Variants in RASAL2 observed in about 807,000 individuals in gnomAD.
RASAL2 encodes ras GTPase-activating protein nGAP.
Under a neutral mutation model 128.9 loss-of-function variants are expected in RASAL2, and 58 were observed. The observed-to-expected ratio is 0.45, with a 90% CI of 0.36 to 0.56. The LOEUF (loss-of-function observed/expected upper bound fraction) is 0.56, where lower values mean the gene tolerates loss of function less well. Among genes scored for constraint, RASAL2 ranks in the 20% least tolerant of loss-of-function variants. The pLI is 0.00. For synonymous variants in RASAL2, 561 were observed against 580.8 expected (o/e 0.97, Z 0.49); for missense variants, 1,360 against 1,601.6 (o/e 0.85, Z 2.57).
chr1:178,246,268 G>A (rs376253247), intron 1 of RASAL2, among the ~76,000 whole-genome samples: 6 of 152,032 alleles, frequency 3.9e-5, no homozygotes, highest in East Asian at 3.9e-4. Flanking sequence ...AGTTCTCCTC[G>A]AAGAGGTCCT....
intron 1 of RASAL2, among the ~76,000 whole-genome samples, chr1:178,164,005 A>AT (rs1263534555): frequency 6.6e-6 from 1 of 152,032 alleles, no homozygotes; most frequent in Non-Finnish European, 1.5e-5. Context: ...TATTTTATTC[A>AT]TTTTCCTGTT....
intron 1 of RASAL2, among the ~76,000 whole-genome samples, chr1:178,185,823 G>A (rs1662272443): frequency 6.6e-6 from 1 of 152,040 alleles, no homozygotes; most frequent in Non-Finnish European, 1.5e-5. Context: ...TCATGTTTAT[G>A]AGAGATATTG....
At chr1:178,261,615 A>G (rs1301388006) in intron 1 of RASAL2, among the ~76,000 whole-genome samples, 1 of 152,162 alleles carries the variant, frequency 6.6e-6, no homozygotes, top group African/African-American at 2.4e-5. Context: ...GAGGAACATA[A>G]CTGTAAGGAT....
In RASAL2 at chr1:178,180,618, G is replaced by A. The variant is rs561727679; in HGVS notation, c.202+85924G>A. 1.2e-3 allele frequency among the ~76,000 whole-genome samples: 178 copies of A among 149,628 alleles called. 1 individual carries two copies. The highest frequency in any genetic ancestry group is 3.8e-3 in the African/African-American group (154 of 40,694). ...GAAGGTGGAGGTTTCAGTGAGCTGCGATCACAGCACTGCATTCAAGCCTGG... is the reference window on the plus strand; with the variant it reads ...GAAGGTGGAGGTTTCAGTGAGCTGCAATCACAGCACTGCATTCAAGCCTGG... On this transcript the variant is annotated intron_variant, in intron 1 of 17. Transcript: ENST00000367649.
chr1:178,303,143 T>A (rs1306444244), intron 3 of RASAL2, among the ~76,000 whole-genome samples: 2 of 152,114 alleles, frequency 1.3e-5, no homozygotes, highest in African/African-American at 4.8e-5. Flanking sequence ...CTCACGGCAG[T>A]GAGAGAAAAG....
rs74638621 is a variant in RASAL2 at position 178,255,435 on chromosome 1, G to T, written c.203-28129G>T. The stretch of plus-strand genomic sequence containing the variant: ...ATATCATAGTATATTTGCTAATTAC[G>T]CACGAAAGACATGGGTGGGAATAAA... On this transcript the variant is annotated intron_variant, in intron 1 of 17. Coordinates refer to ENST00000367649, the MANE Select transcript of RASAL2 (RefSeq NM_170692.4). Among the ~76,000 whole-genome samples, 167 of 152,086 alleles carry T rather than the reference G, an allele frequency of 1.1e-3. 1 individual carries two copies. Among genetic ancestry groups the T allele is most frequent in the African/African-American group, 3.7e-3 (155 of 41,510 alleles).
chr1:178,099,311 A>T (rs1489149183), intron 1 of RASAL2, among the ~76,000 whole-genome samples: 1 of 152,226 alleles, frequency 6.6e-6, no homozygotes, highest in Non-Finnish European at 1.5e-5. Flanking sequence ...TTGATGTATT[A>T]GTTTCCAATG....
intron 17 of RASAL2, among the ~76,000 whole-genome samples, chr1:178,468,349 G>A (rs1647948659): frequency 6.6e-6 from 1 of 152,204 alleles, no homozygotes; most frequent in African/African-American, 2.4e-5. Flanking sequence ...AATAAAAAAT[G>A]AGAGCAAGGA....
At chr1:178,214,560 A>ATT (rs750648998) in intron 1 of RASAL2, among the ~76,000 whole-genome samples, 3 of 141,308 alleles carry the variant, frequency 2.1e-5, no homozygotes, top group African/African-American at 2.6e-5. Flanking sequence ...TGGACTATGT[A>ATT]TTTTTTTTTT....
At chr1:178,240,929 AT>A (rs1664470622) in intron 1 of RASAL2, among the ~76,000 whole-genome samples, 1 of 151,310 alleles carries the variant, frequency 6.6e-6, no homozygotes, top group African/African-American at 2.4e-5. Context: ...ATTTATACAT[AT>A]TTTTATTTTT....
At chr1:178,167,360 G>A (rs1416600336) in intron 1 of RASAL2, among the ~76,000 whole-genome samples, 1 of 152,062 alleles carries the variant, frequency 6.6e-6, no homozygotes, top group Non-Finnish European at 1.5e-5. Flanking sequence ...GATATCTGTA[G>A]TATACAAGAT....
intron 1 of RASAL2, among the ~76,000 whole-genome samples, chr1:178,143,907 G>T (rs551992691): frequency 6.6e-6 from 1 of 152,170 alleles, no homozygotes; most frequent in South Asian, 2.1e-4. Flanking sequence ...ATGAATGAAA[G>T]AAATGAAGTT....
chr1:178,139,191 C>G (rs1279968636), intron 1 of RASAL2, among the ~76,000 whole-genome samples: 1 of 151,858 alleles, frequency 6.6e-6, no homozygotes, highest in Non-Finnish European at 1.5e-5. Flanking sequence ...TCTAGTGGAT[C>G]TCAACTTTTT....
rs138488495 is a variant in RASAL2 at position 178,252,824 on chromosome 1, T to G, written c.203-30740T>G. Among the ~76,000 whole-genome samples the G allele has an allele frequency of 7.0e-3, 1,073 of 152,310 alleles. 13 individuals carry two copies. The highest frequency in any genetic ancestry group is 0.024 in the African/African-American group (1,015 of 41,564). On this transcript the variant is annotated intron_variant, in intron 1 of 17. Transcript: ENST00000367649. ...TGCTTTCCCTGTCACTAAATCCAGT[T>G]CGTCAGCAATTCTTATTCTTTTTGC...
At chr1:178,122,664 CTTGGATTTTCATAACCAGTAAAGT>C (rs1659758677) in intron 1 of RASAL2, among the ~76,000 whole-genome samples, 1 of 152,138 alleles carries the variant, frequency 6.6e-6, no homozygotes, top group Non-Finnish European at 1.5e-5. Context: ...TATCAAGGAG[CTTGGATTTTCATAACCAGTAAAGT>C]TTTTGTTTTT....
At chr1:178,245,802 C>T (rs985726991) in intron 1 of RASAL2, among the ~76,000 whole-genome samples, 1 of 152,184 alleles carries the variant, frequency 6.6e-6, no homozygotes, top group African/African-American at 2.4e-5. Context: ...CCAGTTTTCC[C>T]AGCACCATTT....
Position 178,283,581 on chromosome 1 carries a change from A to G in RASAL2, c.220A>G (p.Thr74Ala), listed in dbSNP as rs755433366. The stretch of plus-strand genomic sequence containing the variant: ...TCATGCAGATGTGAAAGGACCACCC[A>G]CCCACCGTCTGTCTTGTGGTCAGTC... ...VRVYDVKGPP[T>A]HRLSCGQSPY... The change falls in exon 2 of 18, where the codon ACC (threonine) becomes GCC (alanine). Residue 74 changes from threonine (T) to alanine (A), a missense_variant. By Grantham distance (58) the Thr-to-Ala change is moderately conservative. Transcript: ENST00000367649. 2.5e-6 allele frequency: 4 copies of G among 1,613,298 alleles called. No homozygotes were observed. In the South Asian group the frequency reaches 4.4e-5, roughly 18 times the overall value.
chr1:178,417,963 G>A (rs1030213017), intron 4 of RASAL2, among the ~76,000 whole-genome samples: 2 of 151,986 alleles, frequency 1.3e-5, no homozygotes, highest in Non-Finnish European at 2.9e-5. Context: ...ACTTAAGCCT[G>A]GTTTGCTAGC....
At chr1:178,150,355 T>A (rs1267647243) in intron 1 of RASAL2, among the ~76,000 whole-genome samples, 4 of 152,104 alleles carry the variant, frequency 2.6e-5, no homozygotes, top group African/African-American at 9.7e-5. Flanking sequence ...CTGGCTAATT[T>A]TTTTATTTTT....
Sources: allele counts gnomAD v4.1 joint callset (sites outside exome capture counted in the v4.1 genomes callset), GRCh38; gene constraint gnomAD v4.1.1; transcripts MANE v1.5; gene names NCBI Gene and HGNC (gene_info 2026-07-23, HGNC 2026-07-21).